The following UNKL variants were observed in gnomAD, a reference collection of about 807,000 sequenced individuals.
The protein encoded by UNKL is putative E3 ubiquitin-protein ligase UNKL.
UNKL carries 60 observed loss-of-function variants against 78.0 expected under a neutral mutation model. The ratio of observed to expected loss-of-function variants is 0.77; its 90% CI spans 0.63 to 0.95. The LOEUF is 0.95. UNKL is among the 40% of genes least tolerant of loss of function. The pLI is 0.00. For synonymous variants in UNKL, 608 were observed against 474.8 expected, an observed-to-expected ratio of 1.28 and a Z score of -3.65; for missense variants, 1,159 against 1,045.7, an observed-to-expected ratio of 1.11 and a Z score of -1.49.
At chr16:1,400,020 C>T (rs1449786539) in intron 4 of UNKL, among the ~76,000 whole-genome samples, 1 of 152,144 alleles carries the variant, frequency 6.6e-6, no homozygotes, top group African/African-American at 2.4e-5. Flanking sequence ...GCAGGAGGTG[C>T]ACGGCAGGGG....
Position 1,379,606 on chromosome 16 carries a change from C to G in UNKL, c.1264+5602G>C, listed in dbSNP as rs546005853. The G allele has an allele frequency of 4.2e-4, 411 of 985,160 alleles. 4 individuals carry two copies. The African/African-American group carries it at 6.0e-3, about 14-fold the overall frequency. The allele number at this position is 985,160 out of a possible 1,614,324, so 61.0% of individuals were successfully genotyped here. On this transcript the variant is annotated intron_variant, in intron 10 of 14. Transcript: ENST00000389221. ...ACGAGACCCGCACCTTGGCGGCGCA[C>G]GGCTGCCACGCGCTGGGGCCGCCGC...
rs906093129 is a variant in UNKL at position 1,397,196 on chromosome 16, C to T, written c.834G>A (p.Glu278=). ...GACGTACCTCGGGATGGAACTGCTG[C>T]TCCGTGCGGGAGTGGCAATACTGGC... The part of the protein sequence containing the change: ...DGCQYCHSRT[E]QQFHPEIYKS... The change falls in exon 6 of 15, where the codon GAG becomes GAA. Residue 278 remains glutamate (E), a synonymous_variant. Coordinates refer to ENST00000389221, the MANE Select transcript of UNKL (RefSeq NM_001372107.1). The T allele has an allele frequency of 1.2e-5, 19 of 1,547,342 alleles. No homozygotes were observed. The highest frequency in any genetic ancestry group is 1.7e-5 in the Non-Finnish European group (19 of 1,146,964).
chr16:1,380,207 A>C (rs1333913148), intron 10 of UNKL, among the ~76,000 whole-genome samples: 1 of 152,132 alleles, frequency 6.6e-6, no homozygotes, highest in Admixed American at 6.5e-5. Flanking sequence ...TCCCTTAAAT[A>C]CAGAATCCGC....
At chr16:1,391,900 C>T (rs1052832448) in intron 8 of UNKL, among the ~76,000 whole-genome samples, 9 of 152,014 alleles carry the variant, frequency 5.9e-5, no homozygotes, top group South Asian at 2.1e-4. Flanking sequence ...GTTCATCAGG[C>T]CGGTCTCGAA....
At chr16:1,367,444 C>A in intron 13 of UNKL, 95 bp from the exon 14 acceptor site, 1 of 1,457,702 alleles carries the variant, frequency 6.9e-7, no homozygotes, top group Non-Finnish European at 9.1e-7. Context: ...CCTCCCCTCC[C>A]CAGCATCAGC....
chr16:1,368,229 C>A (rs554038268), intron 12 of UNKL: 2 of 320,908 alleles, frequency 6.2e-6, no homozygotes, highest in South Asian at 8.9e-5. Context: ...TCTCAAAGAC[C>A]CCACAGAGCT....
chr16:1,369,518 C>T (rs1273125903), intron 12 of UNKL, among the ~76,000 whole-genome samples: 3 of 152,002 alleles, frequency 2.0e-5, no homozygotes, highest in African/African-American at 7.2e-5. Context: ...TACAGGCATG[C>T]ACCACCACAC....
chr16:1,376,706 A>AT (rs1555455487), intron 10 of UNKL, among the ~76,000 whole-genome samples: 2 of 151,658 alleles, frequency 1.3e-5, no homozygotes, highest in East Asian at 3.9e-4. Flanking sequence ...ACATTCCAAG[A>AT]CCCCCCCATG....
rs754096870 is a variant in UNKL, at chr16:1,370,207, G to C, written c.1508C>G (p.Thr503Arg). ...LPGPVGSSAM[T>R]PPQQPPPLRS... ...CAGGGGTGGCGGCTGCTGGGGAGGC[G>C]TCATGGCTGAGGAGCCCACCGGCCC... Residue 503 changes from threonine to arginine, a missense_variant, in exon 12 of 15, where the codon ACG (threonine) becomes AGG (arginine). Thr to Arg is a moderately conservative substitution (Grantham distance 71). Coordinates refer to ENST00000389221, the MANE Select transcript of UNKL (RefSeq NM_001372107.1). 1 of 1,527,072 alleles carries C rather than the reference G, an allele frequency of 6.5e-7. No individual in the cohort carries two copies. The highest frequency in any genetic ancestry group is 1.2e-5 in the South Asian group (1 of 82,896). The allele number at this position is 1,527,072 out of a possible 1,614,324, so 94.6% of individuals were successfully genotyped here.
rs2037446877 is a variant in UNKL at position 1,399,994 on chromosome 16, G to C, written c.599-485C>G. Among the ~76,000 whole-genome samples the C allele has an allele frequency of 6.6e-6, 1 of 152,196 alleles. No individual in the cohort carries two copies. The highest frequency in any genetic ancestry group is 2.4e-5 in the African/African-American group (1 of 41,446). On this transcript the variant is annotated intron_variant, in intron 4 of 14. Coordinates refer to ENST00000389221, the MANE Select transcript of UNKL (RefSeq NM_001372107.1). This position sits in a 1 kb window ranked among gnomAD's most constrained non-coding sequence, Gnocchi z 5.8. ...TCAGTGTGGGTTCACTGTTGGTAAA[G>C]AGCGTACCTCGCAGTGCAGGAGGTG...
At chr16:1,413,718 A>G in intron 2 of UNKL, 128 bp downstream of exon 2, 1 of 1,067,738 alleles carries the variant, frequency 9.4e-7, no homozygotes, top group Non-Finnish European at 1.3e-6. Context: ...ATTTCAGCGT[A>G]TAATTACGAC....
chr16:1,385,759 TC>T (rs2036789246), intron 9 of UNKL, among the ~76,000 whole-genome samples: 1 of 152,190 alleles, frequency 6.6e-6, no homozygotes, highest in Non-Finnish European at 1.5e-5. Context: ...CCTGCCCTTC[TC>T]CCCACACCTC....
chr16:1,382,421 C>G (rs912097055), intron 10 of UNKL, among the ~76,000 whole-genome samples: 6 of 152,178 alleles, frequency 3.9e-5, no homozygotes, highest in Non-Finnish European at 7.4e-5. Context: ...CCAGTGAGGA[C>G]GAAACAAACG....
chr16:1,382,274 G>A (rs184532041), intron 10 of UNKL, among the ~76,000 whole-genome samples: 10 of 152,358 alleles, frequency 6.6e-5, no homozygotes, highest in Admixed American at 1.3e-4. Context: ...CTCCTCCATA[G>A]AGGCTCCGAG....
intron 10 of UNKL, among the ~76,000 whole-genome samples, chr16:1,378,289 C>T (rs974801526): frequency 2.6e-5 from 4 of 152,332 alleles, no homozygotes; most frequent in South Asian, 4.1e-4. Context: ...GGCTTGATGA[C>T]GGGCAGGGCC....
intron 12 of UNKL, among the ~76,000 whole-genome samples, chr16:1,368,464 T>C (rs1036829794): frequency 3.3e-5 from 5 of 151,140 alleles, no homozygotes; most frequent in Non-Finnish European, 7.4e-5. Context: ...TAGCCAGGCG[T>C]GGTGGCGGGC....
Position 1,399,076 on chromosome 16 carries a change from C to T in UNKL, c.734+298G>A, listed in dbSNP as rs933305804. Reference sequence around the variant, plus strand: ...GCACGGGTGGGGCACACGGGGGTCCCAGCTGGGCTTGGGGTCCCTCCTGCA... The same window carrying T: ...GCACGGGTGGGGCACACGGGGGTCCTAGCTGGGCTTGGGGTCCCTCCTGCA... On this transcript the variant is annotated intron_variant, in intron 5 of 14. Coordinates refer to ENST00000389221, the MANE Select transcript of UNKL (RefSeq NM_001372107.1). This position sits in a 1 kb window ranked among gnomAD's most constrained non-coding sequence, Gnocchi z 5.8. The T allele has an allele frequency of 7.4e-7, 1 of 1,349,230 alleles. No homozygotes were observed. The highest frequency in any genetic ancestry group is 2.6e-5 in the East Asian group (1 of 39,206). 83.6% of individuals were successfully genotyped at this position (1,349,230 alleles called of 1,614,324 possible).
intron 5 of UNKL, chr16:1,398,824 C>A: frequency 8.3e-6 from 13 of 1,557,298 alleles, no homozygotes; most frequent in East Asian, 4.7e-5. Context: ...CAAGCCAGAC[C>A]CAGGGGACAG....
chr16:1,372,579 G>C (rs1018852153), intron 10 of UNKL, among the ~76,000 whole-genome samples: 1 of 152,170 alleles, frequency 6.6e-6, no homozygotes, highest in Non-Finnish European at 1.5e-5. Flanking sequence ...TGAGGAGGCT[G>C]AGCTCAGGCC....
Sources: allele counts gnomAD v4.1 joint callset (sites outside exome capture counted in the v4.1 genomes callset), GRCh38; gene constraint gnomAD v4.1.1; non-coding constraint Gnocchi (gnomAD v3.1); transcripts MANE v1.5; gene names NCBI Gene and HGNC (gene_info 2026-07-23, HGNC 2026-07-21).